The following ARMC2 variants were observed in gnomAD, a reference collection of about 807,000 sequenced individuals.
The protein encoded by ARMC2 is armadillo repeat containing 2.
ARMC2 carries 67 observed loss-of-function variants against 90.3 expected under a neutral mutation model. The observed-to-expected ratio is 0.74, with a 90% confidence interval of 0.61 to 0.91. ARMC2 has a LOEUF of 0.91. Among genes scored for constraint, ARMC2 ranks in the 40% least tolerant of loss-of-function variants. The pLI, the probability that ARMC2 is intolerant of heterozygous loss-of-function variation, is 0.00. For synonymous variants in ARMC2, 393 were observed against 393.0 expected (o/e 1.00, Z 0.00); for missense variants, 920 against 1,030.9 (o/e 0.89, Z 1.47).
chr6:109,052,136 C>G, the ARMC2 span, among the ~76,000 whole-genome samples: 2 of 152,270 alleles, frequency 1.3e-5, no homozygotes, highest in African/African-American at 4.8e-5. Context: ...GCAAATACAT[C>G]AAAATGAAAA....
At chr6:108,879,994 C>G (rs948636398) in intron 5 of ARMC2, 2 of 460,410 alleles carry the variant, frequency 4.3e-6, no homozygotes, top group African/African-American at 2.0e-5. Context: ...ATCGAGTGCT[C>G]TTAGTATTGT....
chr6:108,902,835 C>G (rs943173850), intron 7 of ARMC2, among the ~76,000 whole-genome samples: 1 of 151,980 alleles, frequency 6.6e-6, no homozygotes, highest in Non-Finnish European at 1.5e-5. Context: ...TATTTTATTT[C>G]CCCTCATGTT....
the ARMC2 span, among the ~76,000 whole-genome samples, chr6:109,048,776 C>T: frequency 6.6e-6 from 1 of 152,154 alleles, no homozygotes; most frequent in Non-Finnish European, 1.5e-5. Context: ...CCTCCCATTC[C>T]CCTGATTCTA....
intron 3 of ARMC2, among the ~76,000 whole-genome samples, chr6:108,861,218 T>C (rs1012387442): frequency 4.6e-5 from 7 of 152,192 alleles, no homozygotes; most frequent in Admixed American, 6.5e-5. Context: ...CTTTATGAGA[T>C]TGGTATGTTA....
At chr6:108,972,326 C>T (rs1468798419) in intron 17 of ARMC2, among the ~76,000 whole-genome samples, 1 of 152,206 alleles carries the variant, frequency 6.6e-6, no homozygotes, top group Non-Finnish European at 1.5e-5. Flanking sequence ...GATTCTAATA[C>T]TCCTTGGGAT....
Position 108,882,280 on chromosome 6 carries a change from C to G in ARMC2, c.671+5930C>G, listed in dbSNP as rs192248546. Reference sequence around the variant, plus strand: ...TGAAACCCTGTCTCTACTAAAAATACAAAAAAAAATTAGCTGGGCATAGTG... The same window carrying G: ...TGAAACCCTGTCTCTACTAAAAATAGAAAAAAAAATTAGCTGGGCATAGTG... On this transcript the variant is annotated intron_variant, in intron 5 of 17. Coordinates refer to ENST00000392644, the MANE Select transcript of ARMC2 (RefSeq NM_032131.6). 2.5e-3 allele frequency among the ~76,000 whole-genome samples: 380 copies of G among 150,440 alleles called. 3 individuals carry two copies. The highest frequency in any genetic ancestry group is 8.2e-3 in the African/African-American group (338 of 41,060).
chr6:108,973,411 A>G lies in ARMC2; in HGVS notation c.2501A>G (p.Lys834Arg). The change falls in exon 18 of 18, where the codon AAA (lysine) becomes AGA (arginine). Residue 834 changes from lysine (K) to arginine (R), a missense_variant. Coordinates refer to ENST00000392644, the MANE Select transcript of ARMC2 (RefSeq NM_032131.6). ...SFDPDLKNYH[K>R]LHWETEFKPV... is the part of the protein sequence containing the mutation. ...GATCCAGACCTAAAAAACTATCACA[A>G]ACTCCATTGGGAAACAGAATTCAAA... is the stretch of plus-strand genomic sequence containing the variant. The G allele has an allele frequency of 6.2e-7, 1 of 1,613,874 alleles. No individual in the cohort carries two copies.
At chr6:108,965,423 A>C (rs918757286) in intron 17 of ARMC2, among the ~76,000 whole-genome samples, 4 of 140,758 alleles carry the variant, frequency 2.8e-5, no homozygotes, top group African/African-American at 1.1e-4. Context: ...ATAAGACCTC[A>C]GCGTAAATGT....
intron 7 of ARMC2, among the ~76,000 whole-genome samples, chr6:108,902,896 C>T (rs1179978500): frequency 6.6e-6 from 1 of 151,868 alleles, no homozygotes; most frequent in African/African-American, 2.4e-5. Context: ...GTGTGGCTGC[C>T]ACTTCCAAAA....
chr6:108,941,963 G>A (rs2128496471), intron 12 of ARMC2, among the ~76,000 whole-genome samples: 1 of 152,256 alleles, frequency 6.6e-6, no homozygotes, highest in East Asian at 1.9e-4. Flanking sequence ...TTTTAGAAGA[G>A]CAGGGAAAGA....
intron 11 of ARMC2, among the ~76,000 whole-genome samples, chr6:108,930,592 C>CTTTTTTTT (rs144870507): frequency 3.1e-4 from 29 of 93,768 alleles, no homozygotes; most frequent in Non-Finnish European, 4.3e-4. Context: ...TGCCCTGAAT[C>CTTTTTTTT]TTTTTTTTTT....
the ARMC2 span, among the ~76,000 whole-genome samples, chr6:109,013,004 T>G: frequency 6.6e-6 from 1 of 151,520 alleles, no homozygotes; most frequent in African/African-American, 2.4e-5. Flanking sequence ...TAGTCCCAGC[T>G]ACTCTGGAGG....
the ARMC2 span, among the ~76,000 whole-genome samples, chr6:109,029,427 G>A: frequency 6.6e-6 from 1 of 152,192 alleles, no homozygotes; most frequent in African/African-American, 2.4e-5. Context: ...TTTTTCTTGA[G>A]TGTAAATTAT....
the ARMC2 span, among the ~76,000 whole-genome samples, chr6:108,981,565 A>G: frequency 2.0e-5 from 3 of 152,142 alleles, no homozygotes; most frequent in Non-Finnish European, 4.4e-5. Context: ...AAGTGGAGCC[A>G]TACAATAGTT....
chr6:108,966,629 C>G (rs1452049453), intron 17 of ARMC2, among the ~76,000 whole-genome samples: 1 of 151,764 alleles, frequency 6.6e-6, no homozygotes, highest in Non-Finnish European at 1.5e-5. Flanking sequence ...AAAAAGTGAG[C>G]ATTTTTTTTT....
the ARMC2 span, among the ~76,000 whole-genome samples, chr6:109,009,767 T>G: frequency 6.6e-6 from 1 of 151,852 alleles, no homozygotes. Flanking sequence ...AATTCTCAGG[T>G]ACGGAATGGG....
chr6:108,854,748 C>T (rs1298774317), intron 2 of ARMC2, among the ~76,000 whole-genome samples: 1 of 152,200 alleles, frequency 6.6e-6, no homozygotes, highest in Admixed American at 6.5e-5. Context: ...ACCATTATCA[C>T]TCAAAGGCTG....
intron 3 of ARMC2, among the ~76,000 whole-genome samples, chr6:108,865,093 C>G (rs1032625715): frequency 1.3e-5 from 2 of 151,464 alleles, no homozygotes; most frequent in African/African-American, 2.4e-5. Context: ...AGCAATTCTC[C>G]TGCCTCAGCC....
intron 5 of ARMC2, among the ~76,000 whole-genome samples, chr6:108,893,696 T>C (rs777232306): frequency 2.6e-5 from 4 of 152,262 alleles, no homozygotes; most frequent in Non-Finnish European, 5.9e-5. Context: ...AAGATAAATC[T>C]TACCGGGAAA....
Sources: gnomAD v4.1 joint callset for allele counts (sites outside exome capture counted in the v4.1 genomes callset) on GRCh38, gnomAD v4.1.1 for gene constraint, MANE v1.5 for transcripts, NCBI Gene and HGNC (gene_info 2026-07-23, HGNC 2026-07-21) for gene names.